INTS9: variants seen among roughly 807,000 people sequenced by gnomAD.
The protein encoded by INTS9 is integrator complex subunit 9.
In INTS9, 55 loss-of-function variants were observed where a neutral mutation model predicts 79.7. The observed-to-expected ratio is 0.69, with a 90% CI of 0.56 to 0.86. INTS9 has a LOEUF of 0.86. Ranked by LOEUF, INTS9 falls within the 40% of genes least tolerant of loss-of-function variation. The pLI is 0.00. For synonymous variants in INTS9, 319 were observed against 325.2 expected, an observed-to-expected ratio of 0.98 and a Z score of 0.20; for missense variants, 721 against 831.5, an observed-to-expected ratio of 0.87 and a Z score of 1.64.
In INTS9 at chr8:28,768,306, A is replaced by G. The variant is rs1802326268; in HGVS notation, c.1817T>C (p.Ile606Thr). ...GCCCTTGGCTGTGTCCTCCACCTTAATATCACTGAAGCCATGCTGCTCCAG... is the reference window on the plus strand; with the variant it reads ...GCCCTTGGCTGTGTCCTCCACCTTAGTATCACTGAAGCCATGCTGCTCCAG... ...QTLEKHGFSDIKVEDTAKGHI... is the reference protein window; with the variant it reads ...QTLEKHGFSDTKVEDTAKGHI... The change falls in exon 17 of 17, where the codon ATT becomes ACT. Residue 606 changes from isoleucine to threonine, a missense_variant. Physicochemically the swap from Ile to Thr is moderately conservative, Grantham distance 89 (BLOSUM62 -1). Coordinates refer to ENST00000521022, the MANE Select transcript of INTS9 (RefSeq NM_018250.4). 6.2e-7 allele frequency: 1 copy of G among 1,613,630 alleles called. No individual in the cohort carries two copies. The highest frequency in any genetic ancestry group is 8.5e-7 in the Non-Finnish European group (1 of 1,180,008).
At position 28,780,062 on chromosome 8, in the gene INTS9, T is replaced by TC. The variant is rs953642286; in HGVS notation, c.1270+760_1270+761insG. Among the ~76,000 whole-genome samples, 11 of 150,936 alleles carry TC rather than the reference T, an allele frequency of 7.3e-5. 1 individual carries two copies. Among genetic ancestry groups the TC allele is most frequent in the African/African-American group, 2.7e-4 (11 of 41,148 alleles). The stretch of plus-strand genomic sequence containing the variant: ...CAGATTTCAAATCAAGGTTTTTTTT[T>TC]TTTTTTCTTTTTTCTTCATAGCCTG... On this transcript the variant is annotated intron_variant, in intron 12 of 16. Coordinates refer to ENST00000521022, the MANE Select transcript of INTS9 (RefSeq NM_018250.4).
Position 28,809,402 on chromosome 8 carries a change from T to A in INTS9, c.744+2925A>T, listed in dbSNP as rs1244542489. Among the ~76,000 whole-genome samples the A allele has an allele frequency of 8.5e-5, 13 of 152,172 alleles. No homozygotes were observed. The South Asian group carries it at 1.2e-3, about 15-fold the overall frequency. On this transcript the variant is annotated intron_variant, in intron 8 of 16. Transcript: ENST00000521022. ...TAACATCTGCATTAGTCTATCAAGT[T>A]TTTCAAACCAAAACTTTTCTCATCC...
intron 8 of INTS9, among the ~76,000 whole-genome samples, chr8:28,805,170 A>G (rs1248139885): frequency 1.3e-5 from 2 of 152,252 alleles, no homozygotes; most frequent in Non-Finnish European, 2.9e-5. Context: ...TAAAACTTAC[A>G]AATATTAAAG....
chr8:28,864,459 G>T (rs1762255886), intron 1 of INTS9, among the ~76,000 whole-genome samples: 1 of 151,998 alleles, frequency 6.6e-6, no homozygotes, highest in Admixed American at 6.6e-5. Flanking sequence ...CAAATAAATT[G>T]GTTAAAATAT....
intron 2 of INTS9, among the ~76,000 whole-genome samples, chr8:28,859,082 G>C (rs893626735): frequency 1.3e-5 from 2 of 151,806 alleles, no homozygotes; most frequent in South Asian, 4.1e-4. Flanking sequence ...TTAAGTCTCT[G>C]CAAAGGCTGC....
chr8:28,797,061 G>A (rs1804262291), intron 8 of INTS9: 1 of 167,374 alleles, frequency 6.0e-6, no homozygotes, highest in Non-Finnish European at 1.3e-5. Flanking sequence ...TCATGAGTCA[G>A]AATCCCCTGG....
chr8:28,859,999 G>C (rs1808367202), intron 1 of INTS9, among the ~76,000 whole-genome samples: 1 of 151,848 alleles, frequency 6.6e-6, no homozygotes, highest in South Asian at 2.1e-4. Context: ...GTAAATAAGT[G>C]ACCTTCCTCA....
At position 28,771,063 on chromosome 8, in the gene INTS9, C is replaced by A; in HGVS notation, c.1581G>T (p.Val527=). The A allele has an allele frequency of 6.2e-7, 1 of 1,610,986 alleles. No homozygotes were observed. The highest frequency in any genetic ancestry group is 8.5e-7 in the Non-Finnish European group (1 of 1,178,644). Residue 527 remains valine (V), a synonymous_variant, in exon 15 of 17, where the codon GTG becomes GTT. Transcript: ENST00000521022. ...EIMPELADSL[V]PMEIKPGISL... Reference sequence around the variant, plus strand: ...AGATGCCAGGCTTGATCTCCATGGGCACCAGTGAATCTGCGAGCTGAAAGC... The same window carrying A: ...AGATGCCAGGCTTGATCTCCATGGGAACCAGTGAATCTGCGAGCTGAAAGC...
intron 1 of INTS9, among the ~76,000 whole-genome samples, chr8:28,887,102 T>A (rs866409243): frequency 4.6e-5 from 7 of 152,120 alleles, no homozygotes; most frequent in South Asian, 2.1e-4. Context: ...CCATCAAATA[T>A]ATAACAGGGG....
rs537014020 is a variant in INTS9 at position 28,770,955 on chromosome 8, C to T, written c.1662+27G>A. ...TGGTTTCTTGCTGGGGAGAGGGTCC[C>T]CTGCACTCCCACCCAGCACCCCCTA... On this transcript the variant is annotated intron_variant, in intron 15 of 16. Coordinates refer to ENST00000521022, the MANE Select transcript of INTS9 (RefSeq NM_018250.4). 77 of 1,562,588 alleles carry T rather than the reference C, an allele frequency of 4.9e-5. 1 individual carries two copies. The South Asian group carries it at 7.7e-4, about 16-fold the overall frequency.
Position 28,889,903 on chromosome 8 carries a change from A to G in INTS9, c.-21T>C, listed in dbSNP as rs1234753325. On this transcript the variant is annotated 5_prime_UTR_variant, in exon 1 of 17. Transcript: ENST00000521022. ...TTCATAATGGACTTTTGGTGGTTCA[A>G]TAGCAGTCACTGAACTCCTCAAACC... is the stretch of plus-strand genomic sequence containing the variant. 2.5e-6 allele frequency: 4 copies of G among 1,611,524 alleles called. No individual in the cohort carries two copies. Among genetic ancestry groups the G allele is most frequent in the East Asian group, 2.2e-5 (1 of 44,866 alleles).
chr8:28,807,102 T>C (rs562115928), intron 8 of INTS9, among the ~76,000 whole-genome samples: 105 of 152,060 alleles, frequency 6.9e-4, no homozygotes, highest in African/African-American at 2.4e-3. Context: ...ATGATGAAAA[T>C]AAAATTTAGA....
chr8:28,835,816 T>C (rs532168881), intron 5 of INTS9, among the ~76,000 whole-genome samples: 7 of 152,094 alleles, frequency 4.6e-5, no homozygotes, highest in South Asian at 2.1e-4. Context: ...AAGTGAACTT[T>C]TTTTTTTTTG....
At chr8:28,881,333 C>T (rs1809778908) in intron 1 of INTS9, among the ~76,000 whole-genome samples, 1 of 143,238 alleles carries the variant, frequency 7.0e-6, no homozygotes, top group African/African-American at 2.6e-5. Context: ...GCCAGCCGCC[C>T]CGTCCGGGAG....
chr8:28,808,145 G>C (rs1804911477), intron 8 of INTS9, among the ~76,000 whole-genome samples: 1 of 150,078 alleles, frequency 6.7e-6, no homozygotes, highest in Admixed American at 6.6e-5. Context: ...CTGTCTGTTG[G>C]TAAAAGTTCC....
intron 1 of INTS9, among the ~76,000 whole-genome samples, chr8:28,880,283 C>T (rs1255026701): frequency 6.8e-6 from 1 of 147,494 alleles, no homozygotes; most frequent in Non-Finnish European, 1.5e-5. Context: ...CCTCTCTCTC[C>T]CTCCACGGTC....
chr8:28,819,808 C>A (rs1268202602), intron 6 of INTS9, among the ~76,000 whole-genome samples: 2 of 152,056 alleles, frequency 1.3e-5, no homozygotes, highest in South Asian at 2.1e-4. Context: ...GTAGGTCACT[C>A]AGGACTTGCT....
intron 6 of INTS9, among the ~76,000 whole-genome samples, chr8:28,820,567 T>A (rs1805773818): frequency 6.6e-6 from 1 of 152,218 alleles, no homozygotes. Context: ...GCCCTTAACA[T>A]TTTTTCCTTC....
chr8:28,769,283 G>GT (rs1474306863), intron 16 of INTS9, among the ~76,000 whole-genome samples: 1 of 152,252 alleles, frequency 6.6e-6, no homozygotes, highest in East Asian at 1.9e-4. Context: ...AGCATGAACA[G>GT]TATTACCTTT....
Sources: allele counts gnomAD v4.1 joint callset (sites outside exome capture counted in the v4.1 genomes callset), GRCh38; gene constraint gnomAD v4.1.1; transcripts MANE v1.5; gene names NCBI Gene and HGNC (gene_info 2026-07-23, HGNC 2026-07-21).